CNTN5: variants seen among roughly 807,000 people sequenced by gnomAD.
CNTN5 encodes contactin-5.
A neutral mutation model predicts 129.1 loss-of-function variants in CNTN5; 77 were observed. That is an observed-to-expected ratio of 0.60 (90% CI 0.50 to 0.72). CNTN5 has a LOEUF of 0.72. CNTN5 is among the 30% of genes least tolerant of loss of function. CNTN5 has a pLI of 0.00. For synonymous variants in CNTN5, 509 were observed against 465.6 expected (o/e 1.09, Z -1.20); for missense variants, 1,478 against 1,328.8 (o/e 1.11, Z -1.75).
At chr11:99,074,908 CTAAAA>C (rs1289606080) in intron 1 of CNTN5, among the ~76,000 whole-genome samples, 7 of 152,066 alleles carry the variant, frequency 4.6e-5, no homozygotes, top group Admixed American at 6.6e-5. Context: ...CTATTAGAAA[CTAAAA>C]TAATTGGGAT....
intron 6 of CNTN5, among the ~76,000 whole-genome samples, chr11:99,852,014 G>T (rs1272426433): frequency 6.6e-6 from 1 of 152,096 alleles, no homozygotes; most frequent in African/African-American, 2.4e-5. Context: ...CTGAGGCTTA[G>T]CCTATAATAA....
intron 1 of CNTN5, among the ~76,000 whole-genome samples, chr11:99,225,000 T>C (rs1030932502): frequency 2.0e-5 from 3 of 152,078 alleles, no homozygotes; most frequent in South Asian, 2.1e-4. Flanking sequence ...AAGAGAGACG[T>C]CTTGAAGTTA....
intron 13 of CNTN5, among the ~76,000 whole-genome samples, chr11:100,187,457 T>C (rs1471906712): frequency 6.6e-6 from 1 of 151,848 alleles, no homozygotes; most frequent in South Asian, 2.1e-4. Context: ...AAAATTCATA[T>C]GGAACCATAA....
At chr11:99,527,307 G>C (rs940211862) in intron 2 of CNTN5, among the ~76,000 whole-genome samples, 9 of 152,200 alleles carry the variant, frequency 5.9e-5, no homozygotes, top group Admixed American at 3.3e-4. Context: ...TTGACCTTAT[G>C]TTCCCTTCAA....
At chr11:99,197,997 A>G (rs1439919406) in intron 1 of CNTN5, among the ~76,000 whole-genome samples, 1 of 152,030 alleles carries the variant, frequency 6.6e-6, no homozygotes, top group Non-Finnish European at 1.5e-5. Flanking sequence ...TAAAATCCAA[A>G]ATCCATGTTA....
chr11:99,985,487 G>T (rs1938617543), intron 8 of CNTN5, among the ~76,000 whole-genome samples: 1 of 152,136 alleles, frequency 6.6e-6, no homozygotes, highest in African/African-American at 2.4e-5. Context: ...ATGATGGGTA[G>T]GGTGGGCTAT....
chr11:99,336,076 C>G (rs1440728176), intron 2 of CNTN5, among the ~76,000 whole-genome samples: 1 of 152,060 alleles, frequency 6.6e-6, no homozygotes, highest in Non-Finnish European at 1.5e-5. Context: ...GCTGATTTAG[C>G]CTTTAATTTA....
At chr11:100,237,889 T>G (rs911459784) in intron 16 of CNTN5, among the ~76,000 whole-genome samples, 2 of 152,158 alleles carry the variant, frequency 1.3e-5, no homozygotes, top group African/African-American at 4.8e-5. Context: ...ATCAGTAAAT[T>G]TACCTTTAGA....
intron 13 of CNTN5, among the ~76,000 whole-genome samples, chr11:100,144,937 T>C (rs906781500): frequency 1.5e-5 from 2 of 136,742 alleles, no homozygotes; most frequent in Non-Finnish European, 3.4e-5. Context: ...GATTGATGCA[T>C]ACCTTCCTCT....
chr11:99,297,255 G>T (rs183135891), intron 1 of CNTN5, among the ~76,000 whole-genome samples: 163 of 152,338 alleles, frequency 1.1e-3, no homozygotes, highest in African/African-American at 3.4e-3. Context: ...GGAAGCCAGA[G>T]AAAGACCCAT....
chr11:100,013,684 A>G (rs945240118), intron 9 of CNTN5, among the ~76,000 whole-genome samples: 4 of 152,166 alleles, frequency 2.6e-5, no homozygotes, highest in African/African-American at 9.7e-5. Flanking sequence ...AAAGTGTTAT[A>G]TCATCATCAT....
At chr11:99,572,010 C>G (rs1949190482) in intron 3 of CNTN5, among the ~76,000 whole-genome samples, 1 of 152,180 alleles carries the variant, frequency 6.6e-6, no homozygotes, top group African/African-American at 2.4e-5. Context: ...CCTCTCAGTT[C>G]ACACAGCAAT....
intron 8 of CNTN5, among the ~76,000 whole-genome samples, chr11:99,983,497 ATT>A (rs200652236): frequency 0.07 from 10,673 of 152,290 alleles, 776 homozygotes; most frequent in East Asian, 0.31. Context: ...GAGTCCTTTA[ATT>A]AGTATTGAAA....
Position 100,004,267 on chromosome 11 carries a change from A to G in CNTN5, c.980+2131A>G, listed in dbSNP as rs375331626. On this transcript the variant is annotated intron_variant, in intron 9 of 24. Transcript: ENST00000524871. ...AACCAAACATTCCTTGTAGAGTGTT[A>G]TAACCAAATTCTGGAATGGAGCATG... Among the ~76,000 whole-genome samples, 17 of 152,274 alleles carry G rather than the reference A, an allele frequency of 1.1e-4. 1 individual carries two copies. The East Asian group carries it at 2.5e-3, about 23-fold the overall frequency.
chr11:99,042,811 C>T (rs961057193), intron 1 of CNTN5, among the ~76,000 whole-genome samples: 6 of 148,622 alleles, frequency 4.0e-5, no homozygotes, highest in Non-Finnish European at 8.8e-5. Flanking sequence ...TAGACGCAGT[C>T]TGGGACAGGT....
chr11:100,055,872 CTT>C (rs1943200488), intron 9 of CNTN5, among the ~76,000 whole-genome samples: 1 of 151,434 alleles, frequency 6.6e-6, no homozygotes. Context: ...CTCACTCTCT[CTT>C]AACTCTATCT....
At chr11:99,815,614 T>G (rs1268654164) in intron 3 of CNTN5, among the ~76,000 whole-genome samples, 3 of 152,132 alleles carry the variant, frequency 2.0e-5, no homozygotes, top group Non-Finnish European at 2.9e-5. Flanking sequence ...TCTTCATCCC[T>G]TATGTCTGAA....
At chr11:99,498,052 T>C (rs1946293009) in intron 2 of CNTN5, among the ~76,000 whole-genome samples, 1 of 152,150 alleles carries the variant, frequency 6.6e-6, no homozygotes, top group Non-Finnish European at 1.5e-5. Flanking sequence ...GCCAATTTTA[T>C]ACATGCTGCC....
chr11:99,398,541 G>C (rs1941642625), intron 2 of CNTN5, among the ~76,000 whole-genome samples: 1 of 151,668 alleles, frequency 6.6e-6, no homozygotes, highest in South Asian at 2.1e-4. Context: ...AAAACCCCTG[G>C]GAATCACTTA....
Sources: gnomAD v4.1 joint callset for allele counts (sites outside exome capture counted in the v4.1 genomes callset) on GRCh38, gnomAD v4.1.1 for gene constraint, MANE v1.5 for transcripts, NCBI Gene and HGNC (gene_info 2026-07-23, HGNC 2026-07-21) for gene names.